SLC25A41: variants seen among roughly 807,000 people sequenced by gnomAD.
SLC25A41 encodes solute carrier family 25 member 41, also known as mitochondrial carrier protein SCaMC-3L.
In SLC25A41, 35 loss-of-function variants were observed where a neutral mutation model predicts 34.7. The ratio of observed to expected loss-of-function variants is 1.01; its 90% confidence interval spans 0.77 to 1.34. SLC25A41 has a LOEUF of 1.34. Among genes scored for constraint, SLC25A41 ranks in the 40% most tolerant of loss-of-function variants. The pLI is 0.00. For missense variants in SLC25A41, 492 were observed against 489.8 expected (o/e 1.00, Z -0.04); for synonymous variants, 190 against 209.9 (o/e 0.91, Z 0.82).
chr19:6,427,334 C>T lies in SLC25A41; in HGVS notation c.792G>A (p.Glu264=). ...PYACTDLAVY[E]MLQCFWVKSG... ...GCCACCCCCTCTGCAGGACCCATAC[C>T]TCATAGACAGCCAGGTCGGTGCAGG... Residue 264 remains glutamate (E), a splice_region_variant and synonymous_variant, in exon 5 of 7, where the codon GAG becomes GAA. Transcript: ENST00000321510. The surrounding 1 kb of genome is among the most constrained non-coding windows in gnomAD (Gnocchi z 4.9). 1.9e-6 allele frequency: 3 copies of T among 1,606,088 alleles called. No homozygotes were observed. The highest frequency in any genetic ancestry group is 2.6e-6 in the Non-Finnish European group (3 of 1,175,134).
upstream of SLC25A41, among the ~76,000 whole-genome samples, chr19:6,435,153 G>A (rs2092303256): frequency 6.6e-6 from 1 of 151,136 alleles, no homozygotes; most frequent in Admixed American, 6.6e-5. Flanking sequence ...GAGCTTGGGA[G>A]GTGGAGGCTG....
chr19:6,429,977 G>C lies in SLC25A41; in HGVS notation c.516+32C>G, dbSNP rs148302944. On this transcript the variant is annotated intron_variant, in intron 3 of 6. Coordinates refer to ENST00000321510, the MANE Select transcript of SLC25A41 (RefSeq NM_173637.4). ...GGGGGCATGGGAGGGGTTTGGGCTTGAGCTGGGGGAAGCAGGCCCCTCATT... is the reference window on the plus strand; with the variant it reads ...GGGGGCATGGGAGGGGTTTGGGCTTCAGCTGGGGGAAGCAGGCCCCTCATT... The C allele has an allele frequency of 1.3e-4, 211 of 1,606,360 alleles. 2 individuals are homozygous for C. In the African/African-American group the frequency reaches 2.6e-3, roughly 20 times the overall value.
upstream of SLC25A41, among the ~76,000 whole-genome samples, chr19:6,434,134 G>T (rs980734689): frequency 5.9e-5 from 9 of 151,996 alleles, no homozygotes; most frequent in Non-Finnish European, 1.3e-4. Flanking sequence ...TAGTAGAGAC[G>T]GGGTTTCACC....
At chr19:6,434,223 G>A (rs1212620799), upstream of SLC25A41, among the ~76,000 whole-genome samples, 1 of 152,174 alleles carries the variant, frequency 6.6e-6, no homozygotes, top group African/African-American at 2.4e-5. Flanking sequence ...GATTACAGGC[G>A]TGAGCCACTG....
Position 6,426,401 on chromosome 19 carries a change from G to C in SLC25A41, c.1101C>G (p.Thr367=), listed in dbSNP as rs768464489. ...TCCAGCTCACAGCCTATATGCCCAGGGTTTTCTTCATGGCTTCGTACACCA... is the reference window on the plus strand; with the variant it reads ...TCCAGCTCACAGCCTATATGCCCAGCGTTTTCTTCATGGCTTCGTACACCA... ...SYVVYEAMKK[T]LGI is the part of the protein sequence containing the mutation. The change falls in exon 7 of 7, where the codon ACC becomes ACG. Residue 367 remains threonine (T), a synonymous_variant. Coordinates refer to ENST00000321510, the MANE Select transcript of SLC25A41 (RefSeq NM_173637.4). 1.2e-6 allele frequency: 2 copies of C among 1,613,650 alleles called. No homozygotes were observed. The highest frequency in any genetic ancestry group is 1.7e-6 in the Non-Finnish European group (2 of 1,179,672).
At position 6,427,415 on chromosome 19, in the gene SLC25A41, G is replaced by GC; in HGVS notation, c.710dup (p.Thr238HisfsTer27). The GC allele has an allele frequency of 6.2e-7, 1 of 1,610,024 alleles. No individual in the cohort carries two copies. Among genetic ancestry groups the GC allele is most frequent in the Non-Finnish European group, 8.5e-7 (1 of 1,178,298 alleles). ...GGTAGCCGCGGTAAAGGGCGCGGGT[G>GC]CCCTCTCGCTGCAAGATCTGCCTGG... On this transcript the variant is annotated frameshift_variant, in exon 5 of 7. Coordinates refer to ENST00000321510, the MANE Select transcript of SLC25A41 (RefSeq NM_173637.4). LOFTEE classifies it high-confidence loss of function. This position sits in a 1 kb window ranked among gnomAD's most constrained non-coding sequence, Gnocchi z 4.9.
At chr19:6,429,629 A>T in intron 4 of SLC25A41, 95 bp downstream of exon 4, 1 of 806,562 alleles carries the variant, frequency 1.2e-6, no homozygotes, top group Non-Finnish European at 1.9e-6. Context: ...AGGAGAAAGG[A>T]GGAGGGGAGA....
In SLC25A41 at chr19:6,427,076, C is replaced by T. The variant is rs62107579; in HGVS notation, c.940+27G>A. 16,934 of 1,574,178 alleles carry T rather than the reference C, an allele frequency of 0.011. 110 individuals carry two copies. The highest frequency in any genetic ancestry group is 0.013 in the Non-Finnish European group (15,137 of 1,160,664). The stretch of plus-strand genomic sequence containing the variant: ...CAGGGTGGGGCGGGGAAGGGGCATG[C>T]GTGGTGGCCGCTGGGGACAGGCTGA... On this transcript the variant is annotated intron_variant, in intron 6 of 6. Coordinates refer to ENST00000321510, the MANE Select transcript of SLC25A41 (RefSeq NM_173637.4). The surrounding 1 kb of genome is among the most constrained non-coding windows in gnomAD (Gnocchi z 4.9).
At chr19:6,426,680 A>C in intron 6 of SLC25A41, 119 bp from the exon 7 acceptor site, 2 of 1,055,046 alleles carry the variant, frequency 1.9e-6, no homozygotes, top group Non-Finnish European at 2.8e-6. Context: ...CAGTAGGAAA[A>C]CAGTTTGAAG....
At chr19:6,432,863 TCAC>T (rs1408966739) in intron 1 of SLC25A41, among the ~76,000 whole-genome samples, 2 of 151,914 alleles carry the variant, frequency 1.3e-5, no homozygotes, top group Non-Finnish European at 2.9e-5. Flanking sequence ...AGGCAGGGTT[TCAC>T]CATGTTGGCC....
upstream of SLC25A41, chr19:6,436,081 T>C (rs1005520140): frequency 1.1e-4 from 17 of 161,504 alleles, no homozygotes; most frequent in South Asian, 5.0e-4. Flanking sequence ...CAAAATCATA[T>C]ACATGTAGGT....
At chr19:6,430,396 A>AG (rs1423421934) in intron 2 of SLC25A41, 1 of 566,074 alleles carries the variant, frequency 1.8e-6, no homozygotes, top group Non-Finnish European at 3.1e-6. Context: ...TCATCTCCTC[A>AG]GTCTTTTTCT....
At chr19:6,431,925 G>A in intron 2 of SLC25A41, 124 bp downstream of exon 2, 1 of 1,191,690 alleles carries the variant, frequency 8.4e-7, no homozygotes, top group Non-Finnish European at 1.2e-6. Flanking sequence ...TAGTCCAGGA[G>A]AGCCCAACTC....
chr19:6,426,983 A>G lies in SLC25A41; in HGVS notation c.940+120T>C, dbSNP rs928703017. 6.9e-6 allele frequency: 8 copies of G among 1,153,832 alleles called. No individual in the cohort carries two copies. The Admixed American group carries it at 1.6e-4, about 23-fold the overall frequency. The allele number at this position is 1,153,832 out of a possible 1,614,324, so 71.5% of individuals were successfully genotyped here. On this transcript the variant is annotated intron_variant, in intron 6 of 6. Transcript: ENST00000321510. Reference sequence around the variant, plus strand: ...TGAGACGCAGTCTCAAAAGTTATCAAAAGTGGGCTGGGATCAGACACGGAG... The same window carrying G: ...TGAGACGCAGTCTCAAAAGTTATCAGAAGTGGGCTGGGATCAGACACGGAG...
chr19:6,429,875 C>G, intron 3 of SLC25A41, 44 bp from the exon 4 acceptor site: 1 of 1,601,242 alleles, frequency 6.2e-7, no homozygotes, highest in Non-Finnish European at 8.5e-7. Context: ...CAGCCACCCT[C>G]CGACACAAAA....
Position 6,429,786 on chromosome 19 carries a change from C to G in SLC25A41, c.562G>C (p.Glu188Gln), listed in dbSNP as rs758220086. 1.9e-6 allele frequency: 3 copies of G among 1,610,712 alleles called. No homozygotes were observed. The highest frequency in any genetic ancestry group is 2.5e-6 in the Non-Finnish European group (3 of 1,178,710). Residue 188 changes from glutamate (E) to glutamine (Q), a missense_variant, in exon 4 of 7, where the codon GAG becomes CAG. Glu to Gln is a conservative substitution (Grantham distance 29, BLOSUM62 2). Transcript: ENST00000321510. Reference protein sequence around the residue: ...CGIQGSPPFQERLLAGSLAVA... With the variant: ...CGIQGSPPFQQRLLAGSLAVA... ...GCCAGGGAGCCAGCAAGGAGACGCT[C>G]CTGGAAGGGCGGGGACCCTTGTATT...
chr19:6,432,250 C>T, intron 1 of SLC25A41, 46 bp from the exon 2 acceptor site: 5 of 1,589,818 alleles, frequency 3.1e-6, no homozygotes, highest in Non-Finnish European at 4.3e-6. Context: ...CAGGTTGGGG[C>T]ACCTTCCCCA....
At chr19:6,434,913 AAAC>A (rs146524270), upstream of SLC25A41, among the ~76,000 whole-genome samples, 92,725 of 151,062 alleles carry the variant, frequency 0.61, 30,413 homozygotes, top group African/African-American at 0.84. Context: ...CATCTCAAAC[AAAC>A]AACAACAACA....
chr19:6,430,152 A>G lies in SLC25A41; in HGVS notation c.373T>C (p.Ser125Pro). ...RAKVYMQVYS[S>P]KTNFTNLLGG... ...AGCAGGTTGGTGAAGTTCGTCTTGG[A>G]GGAGTAGACCTGGGTGGAGGGAGGA... The change falls in exon 3 of 7, where the codon TCC (serine) becomes CCC (proline). Residue 125 changes from serine to proline, a missense_variant. Ser to Pro is a moderately conservative substitution (Grantham distance 74). Transcript: ENST00000321510. 1 of 1,612,132 alleles carries G rather than the reference A, an allele frequency of 6.2e-7. No homozygotes were observed. Among genetic ancestry groups the G allele is most frequent in the Non-Finnish European group, 8.5e-7 (1 of 1,179,076 alleles).
Sources: gnomAD v4.1 joint callset for allele counts (sites outside exome capture counted in the v4.1 genomes callset) on GRCh38, gnomAD v4.1.1 for gene constraint, Gnocchi (gnomAD v3.1) non-coding constraint, MANE v1.5 for transcripts, NCBI Gene and HGNC (gene_info 2026-07-23, HGNC 2026-07-21) for gene names.